Variants in WNK1 observed in about 807,000 individuals in gnomAD.
WNK1 encodes the protein WNK lysine deficient protein kinase 1, also known as serine/threonine-protein kinase WNK1.
WNK1 carries 38 observed loss-of-function variants against 222.8 expected under a neutral mutation model. That is an observed-to-expected ratio of 0.17 (90% confidence interval 0.13 to 0.22). The LOEUF (loss-of-function observed/expected upper bound fraction) is 0.22, where lower values mean the gene tolerates loss of function less well. WNK1 is among the 10% of genes least tolerant of loss of function. The pLI, the probability that WNK1 is intolerant of heterozygous loss-of-function variation, is 1.00. For synonymous variants in WNK1, 1,090 were observed against 1,092.9 expected (o/e 1.00, Z 0.05); for missense variants, 2,348 against 2,918.4 (o/e 0.80, Z 4.50).
At chr12:825,382 T>G (rs1221790196) in intron 2 of WNK1, among the ~76,000 whole-genome samples, 2 of 152,208 alleles carry the variant, frequency 1.3e-5, no homozygotes, top group Non-Finnish European at 2.9e-5. Context: ...CCCTGAAGAT[T>G]ACATTTACGT....
chr12:876,836 CTA>C (rs1298884592), intron 9 of WNK1, among the ~76,000 whole-genome samples: 8 of 151,956 alleles, frequency 5.3e-5, no homozygotes, highest in Middle Eastern at 6.8e-3. Flanking sequence ...AAAAAGAAAA[CTA>C]TGTGAAAATG....
At chr12:905,539 G>A (rs1955622541) in intron 26 of WNK1, among the ~76,000 whole-genome samples, 1 of 152,088 alleles carries the variant, frequency 6.6e-6, no homozygotes, top group African/African-American at 2.4e-5. Context: ...TTTAGCTTTT[G>A]ACAGCTCTGC....
At chr12:887,452 G>A in intron 20 of WNK1, 148 bp downstream of exon 20, 2 of 758,514 alleles carry the variant, frequency 2.6e-6, no homozygotes, top group Non-Finnish European at 4.5e-6. Flanking sequence ...CAATGACCCA[G>A]TTCCTACTTA....
intron 22 of WNK1, among the ~76,000 whole-genome samples, chr12:894,306 T>C (rs940158531): frequency 2.6e-5 from 4 of 152,222 alleles, no homozygotes; most frequent in African/African-American, 9.6e-5. Flanking sequence ...GAATGAGTAA[T>C]TGAGTTTTTA....
At chr12:763,599 AG>A (rs1941320804) in intron 1 of WNK1, among the ~76,000 whole-genome samples, 1 of 146,444 alleles carries the variant, frequency 6.8e-6, no homozygotes, top group South Asian at 2.2e-4. Context: ...CAAAAAAAAA[AG>A]AAAAAGTTAT....
At chr12:881,477 A>T (rs1953154391) in intron 12 of WNK1, 1 of 583,582 alleles carries the variant, frequency 1.7e-6, no homozygotes, top group African/African-American at 1.9e-5. Flanking sequence ...GGCTGACCTC[A>T]TACCATGCAG....
chr12:835,675 G>A (rs1444333806), intron 4 of WNK1, among the ~76,000 whole-genome samples: 1 of 152,146 alleles, frequency 6.6e-6, no homozygotes, highest in Admixed American at 6.5e-5. Context: ...TAAGTTGGCT[G>A]GGCGTGATAG....
chr12:890,101 C>T (rs1021745822), intron 21 of WNK1, among the ~76,000 whole-genome samples: 1 of 151,338 alleles, frequency 6.6e-6, no homozygotes, highest in Admixed American at 6.6e-5. Context: ...TACAGGTGCC[C>T]GCCACCACAC....
At chr12:858,185 G>A (rs1592045033) in intron 5 of WNK1, among the ~76,000 whole-genome samples, 1 of 147,760 alleles carries the variant, frequency 6.8e-6, no homozygotes, top group African/African-American at 2.5e-5. Context: ...AGGAATGTTT[G>A]TTTCAACTCT....
At chr12:853,333 T>C (rs887358503) in intron 4 of WNK1, among the ~76,000 whole-genome samples, 4 of 152,230 alleles carry the variant, frequency 2.6e-5, no homozygotes, top group Admixed American at 1.3e-4. Context: ...TGAATTCATA[T>C]ATGTTTGCAG....
chr12:808,956 G>T (rs892440475), intron 1 of WNK1, among the ~76,000 whole-genome samples: 3 of 151,792 alleles, frequency 2.0e-5, no homozygotes, highest in African/African-American at 7.3e-5. Context: ...TAGAAATGGG[G>T]TTTCACCATC....
chr12:834,561 G>A (rs1949038810), intron 4 of WNK1, among the ~76,000 whole-genome samples: 2 of 152,168 alleles, frequency 1.3e-5, no homozygotes, highest in South Asian at 4.1e-4. Context: ...GGTAAGGGAA[G>A]CAAGATGGGT....
At chr12:763,309 C>T (rs969315515) in intron 1 of WNK1, among the ~76,000 whole-genome samples, 1 of 147,022 alleles carries the variant, frequency 6.8e-6, no homozygotes, top group African/African-American at 2.4e-5. Context: ...GTTGGCTAGG[C>T]GTGGTGGCTC....
intron 4 of WNK1, among the ~76,000 whole-genome samples, chr12:847,341 T>C (rs1401611813): frequency 2.0e-5 from 3 of 152,238 alleles, no homozygotes; most frequent in Non-Finnish European, 2.9e-5. Flanking sequence ...ATAGATACTT[T>C]GTAATTGCTA....
chr12:853,790 A>G (rs955464243), intron 4 of WNK1, among the ~76,000 whole-genome samples: 1 of 151,930 alleles, frequency 6.6e-6, no homozygotes, highest in African/African-American at 2.4e-5. Flanking sequence ...TCACTGTGTC[A>G]CCCAGGCGAG....
chr12:794,598 C>T (rs1487806009), intron 1 of WNK1, among the ~76,000 whole-genome samples: 1 of 151,394 alleles, frequency 6.6e-6, no homozygotes, highest in East Asian at 1.9e-4. Flanking sequence ...ATGGGGTGTA[C>T]TACACTAATT....
intron 1 of WNK1, among the ~76,000 whole-genome samples, chr12:790,919 A>T (rs1944770042): frequency 6.6e-6 from 1 of 152,092 alleles, no homozygotes; most frequent in Non-Finnish European, 1.5e-5. Context: ...AAGAGGATTT[A>T]CTTGATGATT....
intron 1 of WNK1, among the ~76,000 whole-genome samples, chr12:796,823 T>C (rs1308023318): frequency 1.3e-5 from 2 of 152,186 alleles, no homozygotes; most frequent in Non-Finnish European, 2.9e-5. Context: ...CCAAAAATGA[T>C]CTTCCTAAGT....
chr12:755,526 TA>T (rs1409214546), intron 1 of WNK1, among the ~76,000 whole-genome samples: 6 of 152,218 alleles, frequency 3.9e-5, no homozygotes, highest in African/African-American at 1.4e-4. Context: ...AATCATTTCT[TA>T]ACTTTTACAG....
Sources: allele counts gnomAD v4.1 joint callset (sites outside exome capture counted in the v4.1 genomes callset), GRCh38; gene constraint gnomAD v4.1.1; transcripts MANE v1.5; gene names NCBI Gene and HGNC (gene_info 2026-07-23, HGNC 2026-07-21).